Variants in SLC22A25 observed in about 807,000 individuals in gnomAD.
The protein encoded by SLC22A25 is MGI:2442751, MGI:2385316, MGI:3042283, MGI:3645714, MGI:3605624, MGI:2442750.
In SLC22A25, 44 loss-of-function variants were observed where a neutral mutation model predicts 45.9. That is an observed-to-expected ratio of 0.96 (90% CI 0.75 to 1.23). SLC22A25 has a LOEUF of 1.23. SLC22A25 is among the 50% of genes most tolerant of loss of function. The probability of loss-of-function intolerance (pLI) is 0.00; values close to 1 mark genes in which losing one functional copy is unlikely to be tolerated. For synonymous variants in SLC22A25, 283 were observed against 238.6 expected (o/e 1.19, Z -1.72); for missense variants, 800 against 666.4 (o/e 1.20, Z -2.21).
At chr11:63,188,976 A>G (rs1279295648) in intron 7 of SLC22A25, among the ~76,000 whole-genome samples, 1 of 152,082 alleles carries the variant, frequency 6.6e-6, no homozygotes, top group African/African-American at 2.4e-5. Context: ...CTATGTGGTC[A>G]ATTTTGGAAT....
chr11:63,178,051 A>G (rs2088179724), intron 9 of SLC22A25, among the ~76,000 whole-genome samples: 1 of 6,092 alleles, frequency 1.6e-4, no homozygotes, highest in Non-Finnish European at 6.4e-4. Context: ...AATTTTTTGT[A>G]TTTTTATTTA....
chr11:63,185,076 C>A (rs1404476862), intron 7 of SLC22A25, among the ~76,000 whole-genome samples: 6 of 152,112 alleles, frequency 3.9e-5, no homozygotes, highest in African/African-American at 1.4e-4. Context: ...CGTAACTGAC[C>A]TGATAAAGCT....
chr11:63,189,091 G>A (rs1213532095), intron 7 of SLC22A25, among the ~76,000 whole-genome samples: 2 of 152,170 alleles, frequency 1.3e-5, no homozygotes, highest in South Asian at 2.1e-4. Flanking sequence ...TTTAGTTCCT[G>A]TATATCCTTG....
intron 9 of SLC22A25, among the ~76,000 whole-genome samples, chr11:63,172,490 A>T (rs2087923889): frequency 6.6e-6 from 1 of 152,160 alleles, no homozygotes; most frequent in South Asian, 2.1e-4. Context: ...GTGAACAGAC[A>T]CTTCTCAAAA....
chr11:63,199,285 A>G (rs1203315751), intron 7 of SLC22A25, among the ~76,000 whole-genome samples: 1 of 152,196 alleles, frequency 6.6e-6, no homozygotes, highest in Non-Finnish European at 1.5e-5. Context: ...CTCTATGCAC[A>G]TAAACTAGAA....
chr11:63,235,464 C>A (rs939258145), intron 3 of SLC22A25, among the ~76,000 whole-genome samples: 1 of 152,170 alleles, frequency 6.6e-6, no homozygotes, highest in Non-Finnish European at 1.5e-5. Flanking sequence ...GCATTTGTCA[C>A]GTAGTTCTTG....
intron 5 of SLC22A25, among the ~76,000 whole-genome samples, chr11:63,223,869 A>G (rs1297602241): frequency 2.6e-5 from 4 of 151,918 alleles, no homozygotes; most frequent in African/African-American, 9.7e-5. Flanking sequence ...ATCTATTCAT[A>G]CCCACTAGTC....
At chr11:63,206,115 A>G (rs2089396334) in intron 7 of SLC22A25, among the ~76,000 whole-genome samples, 1 of 152,212 alleles carries the variant, frequency 6.6e-6, no homozygotes, top group Admixed American at 6.5e-5. Flanking sequence ...TCAATAAACT[A>G]GTTATTGATG....
At chr11:63,218,871 G>A (rs765538841) in intron 5 of SLC22A25, among the ~76,000 whole-genome samples, 1 of 152,192 alleles carries the variant, frequency 6.6e-6, no homozygotes, top group Admixed American at 6.5e-5. Flanking sequence ...TTACTGTATT[G>A]AAGGTCCTAG....
intron 9 of SLC22A25, among the ~76,000 whole-genome samples, chr11:63,173,460 T>C (rs999340633): frequency 6.6e-6 from 1 of 152,180 alleles, no homozygotes; most frequent in Admixed American, 6.6e-5. Context: ...TGAATACTTA[T>C]AATTTTATGT....
At chr11:63,230,287 G>C (rs1214706377) in intron 3 of SLC22A25, among the ~76,000 whole-genome samples, 191 bp from the exon 4 acceptor site, 3 of 152,180 alleles carry the variant, frequency 2.0e-5, no homozygotes, top group African/African-American at 7.2e-5. Context: ...TCAAATGTGG[G>C]GAGAGTGGGT....
chr11:63,196,170 A>T (rs2222591), intron 7 of SLC22A25, among the ~76,000 whole-genome samples: 11 of 151,960 alleles, frequency 7.2e-5, no homozygotes, highest in African/African-American at 2.2e-4. Flanking sequence ...ATTCTACCAG[A>T]GGTACAAAGA....
chr11:63,189,189 C>T (rs951404306), intron 7 of SLC22A25, among the ~76,000 whole-genome samples: 67 of 151,996 alleles, frequency 4.4e-4, no homozygotes, highest in African/African-American at 1.4e-3. Context: ...TAAGTCTCTT[C>T]CTAGGTCTCT....
chr11:63,186,802 A>T (rs1393091069), intron 7 of SLC22A25, among the ~76,000 whole-genome samples: 4 of 152,182 alleles, frequency 2.6e-5, no homozygotes, highest in Non-Finnish European at 5.9e-5. Flanking sequence ...TAAATAGGGA[A>T]TCCTTTCCCT....
chr11:63,187,128 C>T (rs954373007), intron 7 of SLC22A25, among the ~76,000 whole-genome samples: 4 of 152,110 alleles, frequency 2.6e-5, no homozygotes, highest in African/African-American at 9.7e-5. Flanking sequence ...CTATCAATTA[C>T]CTTGGGCAGT....
At chr11:63,219,979 G>A (rs559326382) in intron 5 of SLC22A25, 64 of 1,289,122 alleles carry the variant, frequency 5.0e-5, no homozygotes, top group Admixed American at 1.4e-4. Flanking sequence ...CAAGTCCCTC[G>A]TCACAATCAG....
At chr11:63,183,059 T>G (rs2134737186) in intron 8 of SLC22A25, among the ~76,000 whole-genome samples, 1 of 152,210 alleles carries the variant, frequency 6.6e-6, no homozygotes, top group African/African-American at 2.4e-5. Flanking sequence ...TTTTGATAAA[T>G]ACTTTACATT....
chr11:63,236,605 C>T (rs541580825), intron 3 of SLC22A25, among the ~76,000 whole-genome samples: 2 of 152,220 alleles, frequency 1.3e-5, no homozygotes, highest in South Asian at 2.1e-4. Flanking sequence ...TGAGGTGATG[C>T]CTCACCCTGC....
rs1263720426 is a variant in SLC22A25, at chr11:63,158,859, T to G, written c.*4965A>C. Among the ~76,000 whole-genome samples, 1 of 152,208 alleles carries G rather than the reference T, an allele frequency of 6.6e-6. No individual in the cohort carries two copies. The highest frequency in any genetic ancestry group is 1.5e-5 in the Non-Finnish European group (1 of 68,040). ...GTAGATCTTATTCATTCTTTCCAAC[T>G]TCCTTTTTTCCCCCCATTAACTATT... On this transcript the variant is annotated 3_prime_UTR_variant, in exon 12 of 12. Transcript: ENST00000306494.
Sources: gnomAD v4.1 joint callset for allele counts (sites outside exome capture counted in the v4.1 genomes callset) on GRCh38, gnomAD v4.1.1 for gene constraint, MANE v1.5 for transcripts, NCBI Gene and HGNC (gene_info 2026-07-23, HGNC 2026-07-21) for gene names.